CAMTA1: variants seen among roughly 807,000 people sequenced by gnomAD.
CAMTA1 encodes calmodulin-binding transcription activator 1.
A neutral mutation model predicts 170.9 loss-of-function variants in CAMTA1; 27 were observed. The observed-to-expected ratio is 0.16, with a 90% confidence interval of 0.12 to 0.22. The LOEUF (loss-of-function observed/expected upper bound fraction) is 0.22, where lower values mean the gene tolerates loss of function less well. Among genes scored for constraint, CAMTA1 ranks in the 10% least tolerant of loss-of-function variants. The pLI is 1.00. For synonymous variants in CAMTA1, 833 were observed against 891.5 expected (o/e 0.93, Z 1.17); for missense variants, 1,619 against 2,217.2 (o/e 0.73, Z 5.42).
chr1:7,708,883 A>G (rs2096547735), intron 11 of CAMTA1, among the ~76,000 whole-genome samples: 1 of 152,230 alleles, frequency 6.6e-6, no homozygotes, highest in Non-Finnish European at 1.5e-5. Flanking sequence ...AGTCATGTAA[A>G]TAAATTTCTC....
At chr1:7,645,366 G>A (rs1231961504) in intron 7 of CAMTA1, among the ~76,000 whole-genome samples, 4 of 152,262 alleles carry the variant, frequency 2.6e-5, no homozygotes, top group Non-Finnish European at 4.4e-5. Flanking sequence ...CTGAGCACCC[G>A]TGGCTTTCTT....
At chr1:7,606,972 C>T (rs2095490935) in intron 6 of CAMTA1, among the ~76,000 whole-genome samples, 1 of 152,226 alleles carries the variant, frequency 6.6e-6, no homozygotes, top group Non-Finnish European at 1.5e-5. Flanking sequence ...AGAGTTAGCT[C>T]CTTGAAGCCA....
chr1:7,421,431 G>A (rs2091554085), intron 5 of CAMTA1, among the ~76,000 whole-genome samples: 2 of 152,176 alleles, frequency 1.3e-5, no homozygotes, highest in Admixed American at 1.3e-4. Flanking sequence ...TGGGATTATA[G>A]GTGTGAGCCA....
At chr1:7,438,696 C>A (rs796400709) in intron 5 of CAMTA1, among the ~76,000 whole-genome samples, 2 of 152,176 alleles carry the variant, frequency 1.3e-5, no homozygotes, top group African/African-American at 4.8e-5. Context: ...TGGAAGCAGG[C>A]AGAGGGGGTC....
At chr1:6,882,207 A>G (rs1671822057) in intron 3 of CAMTA1, among the ~76,000 whole-genome samples, 1 of 152,206 alleles carries the variant, frequency 6.6e-6, no homozygotes, top group Admixed American at 6.5e-5. Context: ...TTCTATTGAA[A>G]CAGAGCCACA....
intron 3 of CAMTA1, among the ~76,000 whole-genome samples, chr1:6,883,185 C>T (rs1450396508): frequency 3.9e-5 from 6 of 152,128 alleles, no homozygotes; most frequent in African/African-American, 9.7e-5. Flanking sequence ...TGAGCCACCG[C>T]GCCCGGACAA....
chr1:7,442,294 G>A (rs2092563650), intron 5 of CAMTA1, among the ~76,000 whole-genome samples: 1 of 152,218 alleles, frequency 6.6e-6, no homozygotes, highest in Non-Finnish European at 1.5e-5. Flanking sequence ...AGACAACCGT[G>A]TTGACAGATG....
chr1:6,832,535 A>G (rs1274675751), intron 3 of CAMTA1, among the ~76,000 whole-genome samples: 5 of 151,860 alleles, frequency 3.3e-5, no homozygotes, highest in Non-Finnish European at 5.9e-5. Flanking sequence ...TTTATATGTT[A>G]TCTCTTTGAA....
In CAMTA1 at chr1:7,531,325, C is replaced by T. The variant is rs188169755; in HGVS notation, c.510+63424C>T. Among the ~76,000 whole-genome samples, 488 of 152,290 alleles carry T rather than the reference C, an allele frequency of 3.2e-3. 4 individuals are homozygous for T. The highest frequency in any genetic ancestry group is 0.011 in the African/African-American group (468 of 41,572). ...GATGTTCTTACCTCTCCATGCCTCA[C>T]GCTCTTCACCTGTAAAATGGGCTGA... is the stretch of plus-strand genomic sequence containing the variant. On this transcript the variant is annotated intron_variant, in intron 6 of 22. Coordinates refer to ENST00000303635, the MANE Select transcript of CAMTA1 (RefSeq NM_015215.4).
In CAMTA1 at chr1:7,463,124, C is replaced by T. The variant is rs75321811; in HGVS notation, c.439-4706C>T. 9.0e-4 allele frequency among the ~76,000 whole-genome samples: 137 copies of T among 152,280 alleles called. 2 individuals carry two copies. The East Asian group carries it at 0.018, about 20-fold the overall frequency. Reference sequence around the variant, plus strand: ...CCGGGGGTTCATGTGAGCAGGGACACGGGGAGGGCTGCCCTGTGGCCCGCT... The same window carrying T: ...CCGGGGGTTCATGTGAGCAGGGACATGGGGAGGGCTGCCCTGTGGCCCGCT... On this transcript the variant is annotated intron_variant, in intron 5 of 22. Coordinates refer to ENST00000303635, the MANE Select transcript of CAMTA1 (RefSeq NM_015215.4). The surrounding 1 kb of genome is among the most constrained non-coding windows in gnomAD (Gnocchi z 4.7).
At chr1:6,987,730 G>A (rs1033379993) in intron 3 of CAMTA1, among the ~76,000 whole-genome samples, 2 of 152,186 alleles carry the variant, frequency 1.3e-5, no homozygotes, top group African/African-American at 4.8e-5. Flanking sequence ...TGGATGCAAT[G>A]TGGGAGGCAC....
At chr1:7,318,156 C>T (rs547349049) in intron 5 of CAMTA1, among the ~76,000 whole-genome samples, 1 of 152,372 alleles carries the variant, frequency 6.6e-6, no homozygotes, top group South Asian at 2.1e-4. Flanking sequence ...TTTACTGCAG[C>T]TCAGAGAACA....
intron 3 of CAMTA1, among the ~76,000 whole-genome samples, chr1:7,040,545 G>C (rs1167897702): frequency 6.6e-6 from 1 of 152,130 alleles, no homozygotes; most frequent in Non-Finnish European, 1.5e-5. Context: ...GCATCAGCCT[G>C]CTTCTTCCCA....
intron 3 of CAMTA1, among the ~76,000 whole-genome samples, chr1:6,926,434 TTTTCTC>T (rs1420106673): frequency 1.4e-4 from 18 of 127,360 alleles, no homozygotes; most frequent in African/African-American, 4.3e-4. Context: ...TCTTTCTTTC[TTTTCTC>T]TTTCTTTCTT....
At chr1:7,132,322 G>T (rs1645308132) in intron 4 of CAMTA1, among the ~76,000 whole-genome samples, 1 of 152,114 alleles carries the variant, frequency 6.6e-6, no homozygotes, top group African/African-American at 2.4e-5. Context: ...GCCCAGGCTG[G>T]AGTGCAGTGG....
intron 3 of CAMTA1, among the ~76,000 whole-genome samples, chr1:6,859,924 A>G (rs950626360): frequency 6.6e-6 from 1 of 152,220 alleles, no homozygotes; most frequent in Non-Finnish European, 1.5e-5. Context: ...TCAGCCCAAC[A>G]GGTAGAAGAC....
At chr1:7,647,285 G>A in intron 7 of CAMTA1, among the ~76,000 whole-genome samples, 1 of 151,940 alleles carries the variant, frequency 6.6e-6, no homozygotes, top group South Asian at 2.1e-4. Flanking sequence ...AGAAGGGGGG[G>A]GGGCTGTGTT....
chr1:7,108,125 T>C (rs1643788888), intron 4 of CAMTA1, among the ~76,000 whole-genome samples: 1 of 152,134 alleles, frequency 6.6e-6, no homozygotes, highest in South Asian at 2.1e-4. Flanking sequence ...GACAGAGCCC[T>C]GCATGAGGGA....
At chr1:7,521,585 C>A (rs879865497) in intron 6 of CAMTA1, among the ~76,000 whole-genome samples, 20 of 152,088 alleles carry the variant, frequency 1.3e-4, no homozygotes, top group Non-Finnish European at 2.8e-4. Flanking sequence ...CTCTGTAGCC[C>A]AGGCTGGAGT....
Sources: gnomAD v4.1 joint callset for allele counts (sites outside exome capture counted in the v4.1 genomes callset) on GRCh38, gnomAD v4.1.1 for gene constraint, Gnocchi (gnomAD v3.1) non-coding constraint, MANE v1.5 for transcripts, NCBI Gene and HGNC (gene_info 2026-07-23, HGNC 2026-07-21) for gene names.